Variants in ZDHHC1 observed in about 807,000 individuals in gnomAD.
ZDHHC1 encodes the protein palmitoyltransferase ZDHHC1.
Under a neutral mutation model 46.9 loss-of-function variants are expected in ZDHHC1, and 45 were observed. The ratio of observed to expected loss-of-function variants is 0.96; its 90% CI spans 0.76 to 1.23. The LOEUF is 1.23. Ranked by LOEUF, ZDHHC1 falls within the 50% of genes most tolerant of loss-of-function variation. The pLI is 0.00. For missense variants in ZDHHC1, 649 were observed against 670.8 expected, an observed-to-expected ratio of 0.97 and a Z score of 0.36; for synonymous variants, 291 against 286.0, an observed-to-expected ratio of 1.02 and a Z score of -0.18.
chr16:67,409,843 C>A (rs1161520902), intron 1 of ZDHHC1, among the ~76,000 whole-genome samples: 1 of 152,166 alleles, frequency 6.6e-6, no homozygotes, highest in Admixed American at 6.5e-5. Context: ...ACAGATGAGA[C>A]CGGGTGCCTG....
chr16:67,403,674 A>C (rs2142243648), intron 3 of ZDHHC1, among the ~76,000 whole-genome samples: 1 of 151,696 alleles, frequency 6.6e-6, no homozygotes, highest in South Asian at 2.1e-4. Flanking sequence ...CAATGGCGCT[A>C]TCTCGGCTCA....
At chr16:67,408,828 C>T (rs1213152489) in intron 1 of ZDHHC1, among the ~76,000 whole-genome samples, 1 of 152,154 alleles carries the variant, frequency 6.6e-6, no homozygotes, top group African/African-American at 2.4e-5. Flanking sequence ...AATCTTTGTC[C>T]TTGTATTGTG....
chr16:67,404,679 T>C, intron 3 of ZDHHC1: 1 of 455,326 alleles, frequency 2.2e-6, no homozygotes, highest in Non-Finnish European at 4.4e-6. Context: ...GCCCGCTATG[T>C]GATCTCAGGA....
Position 67,395,220 on chromosome 16 carries a change from G to A in ZDHHC1, c.1071C>T (p.Asp357=). 1 of 1,608,990 alleles carries A rather than the reference G, an allele frequency of 6.2e-7. No individual in the cohort carries two copies. The highest frequency in any genetic ancestry group is 2.2e-5 in the East Asian group (1 of 44,762). The part of the protein sequence containing the change: ...QAEPPPPSSP[D]TLALPPRIRP... ...GGATCCGGGGAGGCAGGGCGAGAGT[G>A]TCTGGGGAAGAGGGTGGTGGAGGTT... is the stretch of plus-strand genomic sequence containing the variant. The change falls in exon 10 of 12, where the codon GAC becomes GAT. Residue 357 remains aspartate, a synonymous_variant. Transcript: ENST00000565726.
chr16:67,395,244 T>C lies in ZDHHC1; in HGVS notation c.1047A>G (p.Glu349=). The change falls in exon 10 of 12, where the codon GAA becomes GAG. Residue 349 remains glutamate (E), a synonymous_variant. Coordinates refer to ENST00000565726, the MANE Select transcript of ZDHHC1 (RefSeq NM_001323627.2). The part of the protein sequence containing the change: ...SQFLATRGQA[E]PPPPSSPDTL... ...TGTCTGGGGAAGAGGGTGGTGGAGG[T>C]TCCGCTTGGCCACGGGTGGCAAGAA... The C allele has an allele frequency of 1.3e-6, 2 of 1,592,418 alleles. No homozygotes were observed. The highest frequency in any genetic ancestry group is 1.7e-6 in the Non-Finnish European group (2 of 1,168,942).
rs533426749 is a variant in ZDHHC1 at position 67,398,863 on chromosome 16, G to T, written c.612C>A (p.Phe204Leu). 44 of 1,613,080 alleles carry T rather than the reference G, an allele frequency of 2.7e-5. No homozygotes were observed. The Admixed American group carries it at 2.8e-4, about 10-fold the overall frequency. The change falls in exon 6 of 12, where the codon TTC (phenylalanine) becomes TTA (leucine). Residue 204 changes from phenylalanine (F) to leucine (L), a missense_variant. Transcript: ENST00000565726. ...VLVATYVFVEFFVNPMRLRTN... is the reference protein window; with the variant it reads ...VLVATYVFVELFVNPMRLRTN... Reference sequence around the variant, plus strand: ...TGCGCAGACGCATGGGGTTGACAAAGAACTCCACGAAGACATATGTGGCCA... The same window carrying T: ...TGCGCAGACGCATGGGGTTGACAAATAACTCCACGAAGACATATGTGGCCA...
intron 4 of ZDHHC1, 80 bp downstream of exon 4, chr16:67,400,877 G>T: frequency 6.6e-7 from 1 of 1,513,026 alleles, no homozygotes; most frequent in Non-Finnish European, 9.0e-7. Context: ...CATCAGGGAT[G>T]TCTGTGAAGC....
At chr16:67,412,929 T>C (rs1478408271) in intron 1 of ZDHHC1, among the ~76,000 whole-genome samples, 2 of 151,424 alleles carry the variant, frequency 1.3e-5, no homozygotes, top group African/African-American at 4.9e-5. Flanking sequence ...GCCTCCCGAG[T>C]AGCTGGGATT....
Position 67,406,584 on chromosome 16 carries a change from A to G in ZDHHC1, c.10-142T>C. The G allele has an allele frequency of 2.7e-6, 3 of 1,100,048 alleles. No homozygotes were observed. Among genetic ancestry groups the G allele is most frequent in the Non-Finnish European group, 3.7e-6 (3 of 801,704 alleles). 68.1% of individuals were successfully genotyped at this position (1,100,048 alleles called of 1,614,324 possible). A position where few individuals can be genotyped will look rare whatever the true frequency, so the allele number is the denominator to read the frequency against. On this transcript the variant is annotated intron_variant, in intron 2 of 11. Transcript: ENST00000565726. The surrounding 1 kb of genome is among the most constrained non-coding windows in gnomAD (Gnocchi z 4.1). ...CTGGGGAAACTGGGGTCCTAGCACA[A>G]TAGAGATGGGCAGTGGGGAGAGGGT...
In ZDHHC1 at chr16:67,400,945, A is replaced by G; in HGVS notation, c.428+12T>C. 6.2e-7 allele frequency: 1 copy of G among 1,612,586 alleles called. No individual in the cohort carries two copies. Among genetic ancestry groups the G allele is most frequent in the Non-Finnish European group, 8.5e-7 (1 of 1,179,304 alleles). ...GCACACTCGGCAGCCACAAGCACCCACACACACTCACACATCCACGTTGCA... is the reference window on the plus strand; with the variant it reads ...GCACACTCGGCAGCCACAAGCACCCGCACACACTCACACATCCACGTTGCA... On this transcript the variant is annotated intron_variant, in intron 4 of 11. Transcript: ENST00000565726.
Position 67,401,165 on chromosome 16 carries a change from T to C in ZDHHC1, c.253-33A>G, listed in dbSNP as rs551093736. The C allele has an allele frequency of 6.2e-7, 1 of 1,608,322 alleles. No homozygotes were observed. The highest frequency in any genetic ancestry group is 8.5e-7 in the Non-Finnish European group (1 of 1,177,748). On this transcript the variant is annotated intron_variant, in intron 3 of 11. Coordinates refer to ENST00000565726, the MANE Select transcript of ZDHHC1 (RefSeq NM_001323627.2). This position sits in a 1 kb window ranked among gnomAD's most constrained non-coding sequence, Gnocchi z 4.6. ...AGCAGGTTAAAGACTCACTCCACTC[T>C]GCCGGCTGGGAGTCCTGCCCCGTTC...
At chr16:67,411,447 T>C (rs541361385) in intron 1 of ZDHHC1, among the ~76,000 whole-genome samples, 15 of 152,304 alleles carry the variant, frequency 9.8e-5, no homozygotes, top group Middle Eastern at 3.4e-3. Flanking sequence ...CTGAGGAACA[T>C]TGGGGCAAAT....
intron 7 of ZDHHC1, 80 bp downstream of exon 7, chr16:67,398,493 A>G: frequency 6.5e-7 from 1 of 1,537,508 alleles, no homozygotes; most frequent in East Asian, 2.4e-5. Context: ...GCATGGTTTC[A>G]GGGTCCACCG....
At chr16:67,399,275 G>T in intron 5 of ZDHHC1, 80 bp downstream of exon 5, 1 of 1,314,864 alleles carries the variant, frequency 7.6e-7, no homozygotes, top group Non-Finnish European at 1.1e-6. Flanking sequence ...CCGCCCGCCT[G>T]CCATGCGAGC....
chr16:67,399,469 G>A lies in ZDHHC1; in HGVS notation c.429-13C>T. ...GGAGCGAGCGCTCCTGCAGGGAGAG[G>A]GGGCACAGCGCGATTGGCCGGCTCA... On this transcript the variant is annotated splice_polypyrimidine_tract_variant and intron_variant, in intron 4 of 11. Transcript: ENST00000565726. 1 of 1,601,870 alleles carries A rather than the reference G, an allele frequency of 6.2e-7. No homozygotes were observed. The highest frequency in any genetic ancestry group is 8.5e-7 in the Non-Finnish European group (1 of 1,171,946).
chr16:67,414,760 T>A (rs1451297269), intron 1 of ZDHHC1, among the ~76,000 whole-genome samples: 1 of 152,210 alleles, frequency 6.6e-6, no homozygotes, highest in Non-Finnish European at 1.5e-5. Context: ...ATGAGTTATT[T>A]TAGGAGGCAC....
chr16:67,394,801 A>ATAT lies in ZDHHC1; in HGVS notation c.1257_1258insATA (p.His419_Ser420insIle). The ATAT allele has an allele frequency of 6.5e-7, 1 of 1,527,116 alleles. No homozygotes were observed. Among genetic ancestry groups the ATAT allele is most frequent in the Non-Finnish European group, 8.8e-7 (1 of 1,141,248 alleles). 94.6% of individuals were successfully genotyped at this position (1,527,116 alleles called of 1,614,324 possible). A position where few individuals can be genotyped will look rare whatever the true frequency, so the allele number is the denominator to read the frequency against. On this transcript the variant is annotated inframe_insertion, in exon 12 of 12. Coordinates refer to ENST00000565726, the MANE Select transcript of ZDHHC1 (RefSeq NM_001323627.2). ...TCGTCCACGGACTCTGCCGACGCCG[A>ATAT]GTGGTAGGCGCCGGCAGGGCCAGCG...
Position 67,416,394 on chromosome 16 carries a change from T to C in ZDHHC1, c.-262A>G. The C allele has an allele frequency of 4.7e-6, 1 of 213,298 alleles. No individual in the cohort carries two copies. Among genetic ancestry groups the C allele is most frequent in the Non-Finnish European group, 9.6e-6 (1 of 104,384 alleles). The allele number at this position is 213,298 out of a possible 1,614,324, so 13.2% of individuals were successfully genotyped here. A position where few individuals can be genotyped will look rare whatever the true frequency, so the allele number is the denominator to read the frequency against. On this transcript the variant is annotated 5_prime_UTR_variant, in exon 1 of 12. Transcript: ENST00000565726. ...CTCTGGCTCTGGCTCCGGCTCCGGC[T>C]CCGGCTCCGGCTCCGGCTCCGGCTC... is the stretch of plus-strand genomic sequence containing the variant.
At chr16:67,396,782 ACTCAGTGACC>A (rs1288264147) in intron 8 of ZDHHC1, among the ~76,000 whole-genome samples, 2 of 152,038 alleles carry the variant, frequency 1.3e-5, no homozygotes, top group Non-Finnish European at 1.5e-5. Flanking sequence ...CCCAGTGTGG[ACTCAGTGACC>A]CTCTAGGGCC....
Sources: allele counts gnomAD v4.1 joint callset (sites outside exome capture counted in the v4.1 genomes callset), GRCh38; gene constraint gnomAD v4.1.1; non-coding constraint Gnocchi (gnomAD v3.1); transcripts MANE v1.5; gene names NCBI Gene and HGNC (gene_info 2026-07-23, HGNC 2026-07-21).